The following CYP51A1 variants were observed in gnomAD, a reference collection of about 807,000 sequenced individuals.
CYP51A1 encodes cytochrome P450 family 51 subfamily A member 1.
CYP51A1 carries 45 observed loss-of-function variants against 53.5 expected under a neutral mutation model. The observed-to-expected ratio is 0.84, with a 90% CI of 0.66 to 1.08. The LOEUF (loss-of-function observed/expected upper bound fraction) is 1.08, where lower values mean the gene tolerates loss of function less well. Ranked by LOEUF, CYP51A1 falls within the 50% of genes least tolerant of loss-of-function variation. CYP51A1 has a pLI of 0.00. For missense variants in CYP51A1, 462 were observed against 621.7 expected (o/e 0.74, Z 2.73); for synonymous variants, 181 against 217.7 (o/e 0.83, Z 1.48).
intron 2 of CYP51A1, among the ~76,000 whole-genome samples, chr7:92,129,964 C>T (rs1819884788): frequency 6.6e-6 from 1 of 152,080 alleles, no homozygotes; most frequent in African/African-American, 2.4e-5. Flanking sequence ...CTAGACCATA[C>T]AGAGCCTCAT....
At chr7:92,118,718 C>A in intron 7 of CYP51A1, 103 bp from the exon 8 acceptor site, 1 of 694,340 alleles carries the variant, frequency 1.4e-6, no homozygotes, top group Non-Finnish European at 2.6e-6. Flanking sequence ...TGCATTCCAG[C>A]TAAAAGTACA....
rs1563174326 is a variant in CYP51A1 at position 92,112,808 on chromosome 7, AAC to A, written c.*855_*856del. ...CGCACCACTGCACTCCAGCCTGGGC[AAC>A]AGAGCGAGACTCCATCTCAAAAAAA... On this transcript the variant is annotated 3_prime_UTR_variant, in exon 10 of 10. Transcript: ENST00000003100. 1.3e-5 allele frequency: 2 copies of A among 150,734 alleles called. No individual in the cohort carries two copies. The highest frequency in any genetic ancestry group is 2.9e-5 in the Non-Finnish European group (2 of 67,900). The allele number at this position is 150,734 out of a possible 1,614,324, so 9.3% of individuals were successfully genotyped here.
intron 2 of CYP51A1, among the ~76,000 whole-genome samples, chr7:92,129,402 G>C (rs566161040): frequency 6.1e-4 from 93 of 152,174 alleles, no homozygotes; most frequent in African/African-American, 2.1e-3. Flanking sequence ...AGTTATTACA[G>C]CTAATTCTGT....
intron 8 of CYP51A1, 64 bp from the exon 9 acceptor site, chr7:92,117,276 A>C: frequency 3.0e-5 from 42 of 1,418,368 alleles, no homozygotes; most frequent in Non-Finnish European, 3.9e-5. Flanking sequence ...TAATCAGATC[A>C]TTGTGTAATA....
chr7:92,130,654 T>A (rs1402555036), intron 2 of CYP51A1, among the ~76,000 whole-genome samples: 2 of 152,250 alleles, frequency 1.3e-5, no homozygotes, highest in African/African-American at 4.8e-5. Context: ...ATAGGATTAC[T>A]ATATAAATAC....
rs1294304078 is a variant in CYP51A1 at position 92,127,565 on chromosome 7, A to G, written c.535T>C (p.Ser179Pro). 6.2e-7 allele frequency: 1 copy of G among 1,612,658 alleles called. No individual in the cohort carries two copies. Among genetic ancestry groups the G allele is most frequent in the Admixed American group, 1.7e-5 (1 of 59,862 alleles). Residue 179 changes from serine to proline, a missense_variant, in exon 4 of 10, where the codon TCT becomes CCT. Physicochemically the swap from Ser to Pro is moderately conservative, Grantham distance 74 (BLOSUM62 -1). Transcript: ENST00000003100. ...LNIAHFKQHV[S>P]IIEKETKEYF... ...TCCTTTGTTTCTTTTTCAATTATAGAAACATGCTGTTTAAAGTGGGCTATG... is the reference window on the plus strand; with the variant it reads ...TCCTTTGTTTCTTTTTCAATTATAGGAACATGCTGTTTAAAGTGGGCTATG...
chr7:92,134,103 GC>G (rs1301904315), intron 1 of CYP51A1, 69 bp downstream of exon 1: 3 of 1,496,344 alleles, frequency 2.0e-6, no homozygotes, highest in Non-Finnish European at 1.8e-6. Flanking sequence ...CCACGGAGCC[GC>G]CCACGCCAGC....
chr7:92,119,174 G>A (rs1819636663), intron 7 of CYP51A1, among the ~76,000 whole-genome samples: 1 of 152,188 alleles, frequency 6.6e-6, no homozygotes, highest in South Asian at 2.1e-4. Context: ...AGGCGCCTGA[G>A]ATGGTGATAT....
chr7:92,130,546 G>C (rs573275953), intron 2 of CYP51A1, among the ~76,000 whole-genome samples: 3 of 152,194 alleles, frequency 2.0e-5, no homozygotes, highest in East Asian at 3.9e-4. Context: ...TACCTGAAAG[G>C]GTTTTTGTGG....
chr7:92,118,573 A>G lies in CYP51A1; in HGVS notation c.1129T>C (p.Leu377=). Reference sequence around the variant, plus strand: ...ATCATTATAGGAGGTCTAAGTCTTAATGTTTCTTTTATACAGCGATCAAGT... The same window carrying G: ...ATCATTATAGGAGGTCTAAGTCTTAGTGTTTCTTTTATACAGCGATCAAGT... ...NLLDRCIKET[L]RLRPPIMIMM... The change falls in exon 8 of 10, where the codon TTA becomes CTA. Residue 377 remains leucine, a synonymous_variant. Transcript: ENST00000003100. 6.3e-7 allele frequency: 1 copy of G among 1,598,916 alleles called. No homozygotes were observed. Among genetic ancestry groups the G allele is most frequent in the African/African-American group, 1.3e-5 (1 of 74,710 alleles).
chr7:92,123,308 G>GC lies in CYP51A1; in HGVS notation c.897dup (p.Arg300AlafsTer5). ...GCTACTTCATCATCAGTCAAAGGAC[G>GC]CCCATCCCTAAGGAATGAACCAAAG... On this transcript the variant is annotated frameshift_variant, in exon 7 of 10. Coordinates refer to ENST00000003100, the MANE Select transcript of CYP51A1 (RefSeq NM_000786.4). LOFTEE classifies it high-confidence loss of function. The GC allele has an allele frequency of 6.2e-7, 1 of 1,612,204 alleles. No homozygotes were observed. The highest frequency in any genetic ancestry group is 1.7e-4 in the Middle Eastern group (1 of 6,052).
At chr7:92,123,887 TA>T in intron 5 of CYP51A1, 34 bp from the exon 6 acceptor site, 1 of 1,522,876 alleles carries the variant, frequency 6.6e-7, no homozygotes. Context: ...TTTTCTTAAA[TA>T]AAGAAATAAC....
At chr7:92,128,461 TGC>T (rs1554479174) in intron 3 of CYP51A1, among the ~76,000 whole-genome samples, 4 of 137,360 alleles carry the variant, frequency 2.9e-5, no homozygotes, top group African/African-American at 5.7e-5. Context: ...TGTGTGCGCG[TGC>T]GTGTGTGTGT....
intron 6 of CYP51A1, among the ~76,000 whole-genome samples, 187 bp from the exon 7 acceptor site, chr7:92,123,502 C>T (rs1819733068): frequency 6.6e-6 from 1 of 152,118 alleles, no homozygotes; most frequent in Non-Finnish European, 1.5e-5. Flanking sequence ...ATTTTGATTA[C>T]AAAAGACTCC....
At chr7:92,118,953 A>G (rs1216799227) in intron 7 of CYP51A1, among the ~76,000 whole-genome samples, 1 of 152,236 alleles carries the variant, frequency 6.6e-6, no homozygotes, top group Non-Finnish European at 1.5e-5. Flanking sequence ...GAGTTAATTC[A>G]AGAAAAAGAA....
Position 92,128,932 on chromosome 7 carries a change from C to A in CYP51A1, c.416G>T (p.Arg139Leu), listed in dbSNP as rs140356336. The A allele has an allele frequency of 5.0e-6, 8 of 1,612,288 alleles. No homozygotes were observed. Among genetic ancestry groups the A allele is most frequent in the Admixed American group, 1.7e-5 (1 of 59,978 alleles). ...CTTCCCAAACACAGGTGTTGTCAGG[C>A]GACTGTAGACATCTTCTGCATTCAG... Reference protein sequence around the residue: ...EDLNAEDVYSRLTTPVFGKGV... With the variant: ...EDLNAEDVYSLLTTPVFGKGV... Residue 139 changes from arginine to leucine, a missense_variant, in exon 3 of 10, where the codon CGC becomes CTC. Arg to Leu is a moderately radical substitution (Grantham distance 102). Coordinates refer to ENST00000003100, the MANE Select transcript of CYP51A1 (RefSeq NM_000786.4).
Position 92,118,536 on chromosome 7 carries a change from A to G in CYP51A1, c.1166T>C (p.Met389Thr). 6.3e-7 allele frequency: 1 copy of G among 1,581,104 alleles called. No homozygotes were observed. Among genetic ancestry groups the G allele is most frequent in the South Asian group, 1.1e-5 (1 of 90,342 alleles). The stretch of plus-strand genomic sequence containing the variant: ...GATACTCACCTGAGGAGTTCTGGCC[A>G]TTCTCATCATGATCATTATAGGAGG... ...LRPPIMIMMRMARTPQTVAGY... is the reference protein window; with the variant it reads ...LRPPIMIMMRTARTPQTVAGY... The change falls in exon 8 of 10, where the codon ATG becomes ACG. Residue 389 changes from methionine (M) to threonine (T), a missense_variant. Met to Thr is a moderately conservative substitution (Grantham distance 81). Transcript: ENST00000003100.
intron 2 of CYP51A1, among the ~76,000 whole-genome samples, chr7:92,130,375 A>G (rs1017112350): frequency 1.3e-5 from 2 of 152,218 alleles, no homozygotes; most frequent in Non-Finnish European, 2.9e-5. Flanking sequence ...CTTACTTAGC[A>G]TCTTAATGAC....
At chr7:92,131,904 G>A (rs745505132) in intron 1 of CYP51A1, 32 bp from the exon 2 acceptor site, 11 of 1,305,482 alleles carry the variant, frequency 8.4e-6, no homozygotes, top group South Asian at 3.6e-5. Flanking sequence ...AATTCAATTC[G>A]TGTTTCATTT....
Sources: gnomAD v4.1 joint callset for allele counts (sites outside exome capture counted in the v4.1 genomes callset) on GRCh38, gnomAD v4.1.1 for gene constraint, MANE v1.5 for transcripts, NCBI Gene and HGNC (gene_info 2026-07-23, HGNC 2026-07-21) for gene names.